Variants in MARCHF1 observed in about 807,000 individuals in gnomAD.
MARCHF1 encodes membrane associated ring-CH-type finger 1.
MARCHF1 carries 40 observed loss-of-function variants against 54.2 expected under a neutral mutation model. The observed-to-expected ratio is 0.74, with a 90% CI of 0.57 to 0.96. The LOEUF (loss-of-function observed/expected upper bound fraction) is 0.96, where lower values mean the gene tolerates loss of function less well. Ranked by LOEUF, MARCHF1 falls within the 40% of genes least tolerant of loss-of-function variation. The pLI is 0.00. For missense variants in MARCHF1, 586 were observed against 656.5 expected, an observed-to-expected ratio of 0.89 and a Z score of 1.17; for synonymous variants, 236 against 236.3, an observed-to-expected ratio of 1.00 and a Z score of 0.01.
chr4:164,103,909 G>A lies in MARCHF1; in HGVS notation c.-248+7679C>T, dbSNP rs535497400. On this transcript the variant is annotated intron_variant, in intron 2 of 9. Transcript: ENST00000514618. ...AAAAAAGAGAGAAGAATCAATAGAC[G>A]CAATAAAAAATGATAAAGGGGATAT... Among the ~76,000 whole-genome samples the A allele has an allele frequency of 1.5e-3, 215 of 147,544 alleles. 7 individuals carry two copies. The highest frequency in any genetic ancestry group is 5.2e-3 in the African/African-American group (198 of 37,778).
At chr4:163,737,183 CACATATTAGTTTATTTATTTA>C (rs1746064589) in intron 4 of MARCHF1, among the ~76,000 whole-genome samples, 1 of 54,238 alleles carries the variant, frequency 1.8e-5, no homozygotes, top group African/African-American at 4.6e-5. Flanking sequence ...TTTTTTTTTT[CACATATTAGTTTATTTATTTA>C]TTTTTTTTAA....
chr4:164,037,800 T>C (rs1429150443), intron 2 of MARCHF1, among the ~76,000 whole-genome samples: 1 of 152,208 alleles, frequency 6.6e-6, no homozygotes, highest in Non-Finnish European at 1.5e-5. Context: ...CTTGATATGA[T>C]GTGATGACAA....
intron 5 of MARCHF1, among the ~76,000 whole-genome samples, chr4:163,683,271 G>A (rs1341771912): frequency 6.6e-6 from 1 of 152,178 alleles, no homozygotes; most frequent in Non-Finnish European, 1.5e-5. Context: ...CATCTCACAT[G>A]GTGGTCGACA....
At chr4:163,923,217 C>G (rs1751469412) in intron 3 of MARCHF1, among the ~76,000 whole-genome samples, 1 of 152,108 alleles carries the variant, frequency 6.6e-6, no homozygotes, top group Non-Finnish European at 1.5e-5. Flanking sequence ...TCTGAAATGA[C>G]AAATACTTTC....
At chr4:164,368,270 A>G (rs1303856929) in intron 1 of MARCHF1, among the ~76,000 whole-genome samples, 3 of 151,420 alleles carry the variant, frequency 2.0e-5, no homozygotes, top group Non-Finnish European at 4.4e-5. Flanking sequence ...TTAAAATCAT[A>G]AAGATATATT....
chr4:163,700,163 T>C (rs1355943335), intron 5 of MARCHF1, among the ~76,000 whole-genome samples: 2 of 152,048 alleles, frequency 1.3e-5, no homozygotes, highest in Non-Finnish European at 2.9e-5. Flanking sequence ...ATGTGGCAGA[T>C]CTATGGTGTT....
chr4:163,983,003 C>T (rs2110872664), intron 3 of MARCHF1, among the ~76,000 whole-genome samples: 2 of 152,312 alleles, frequency 1.3e-5, no homozygotes, highest in Middle Eastern at 6.8e-3. Flanking sequence ...CATCCCAAAT[C>T]ACATGACTGA....
intron 4 of MARCHF1, among the ~76,000 whole-genome samples, chr4:163,722,394 G>A (rs188647761): frequency 0.064 from 9,682 of 152,020 alleles, 581 homozygotes; most frequent in African/African-American, 0.16. Context: ...GGTCTGAGAG[G>A]CAGTTTGTTA....
At chr4:164,224,821 C>T (rs1732206599) in intron 1 of MARCHF1, among the ~76,000 whole-genome samples, 1 of 151,906 alleles carries the variant, frequency 6.6e-6, no homozygotes, top group Non-Finnish European at 1.5e-5. Context: ...ATACTATTTT[C>T]TCAAATATGT....
intron 1 of MARCHF1, among the ~76,000 whole-genome samples, chr4:164,163,791 T>A (rs575944057): frequency 6.6e-6 from 1 of 152,070 alleles, no homozygotes; most frequent in South Asian, 2.1e-4. Flanking sequence ...ACTATACATT[T>A]CTTTCAAGGG....
At chr4:164,212,456 C>A (rs1437575154) in intron 1 of MARCHF1, among the ~76,000 whole-genome samples, 1 of 152,050 alleles carries the variant, frequency 6.6e-6, no homozygotes, top group Non-Finnish European at 1.5e-5. Flanking sequence ...TGATATCTTT[C>A]TATGGATGTT....
intron 4 of MARCHF1, among the ~76,000 whole-genome samples, chr4:163,733,202 T>C (rs779194306): frequency 0.1 from 2,795 of 26,704 alleles, 484 homozygotes; most frequent in East Asian, 0.23. Context: ...TATATATATA[T>C]ATATATATAT....
intron 1 of MARCHF1, among the ~76,000 whole-genome samples, chr4:164,211,312 CAT>C (rs1450515358): frequency 2.3e-5 from 3 of 130,616 alleles, no homozygotes; most frequent in Non-Finnish European, 4.7e-5. Context: ...TTGCAACCTG[CAT>C]ATGTGTATGT....
chr4:164,042,677 C>T (rs1208313589), intron 2 of MARCHF1, among the ~76,000 whole-genome samples: 1 of 152,144 alleles, frequency 6.6e-6, no homozygotes, highest in Non-Finnish European at 1.5e-5. Context: ...CAGCAGTCCC[C>T]CAGTCTTAAT....
At chr4:163,688,137 A>C (rs549623110) in intron 5 of MARCHF1, among the ~76,000 whole-genome samples, 1 of 152,310 alleles carries the variant, frequency 6.6e-6, no homozygotes, top group African/African-American at 2.4e-5. Flanking sequence ...AACCACACGA[A>C]AAACAAATAT....
chr4:164,105,436 A>G (rs1029693109), intron 2 of MARCHF1, among the ~76,000 whole-genome samples: 2 of 150,140 alleles, frequency 1.3e-5, no homozygotes, highest in East Asian at 2.0e-4. Flanking sequence ...AATGGAACAG[A>G]ACAGAGCCCT....
chr4:164,359,883 T>A (rs9991930), intron 1 of MARCHF1, among the ~76,000 whole-genome samples: 33,051 of 152,074 alleles, frequency 0.22, 3,864 homozygotes, highest in East Asian at 0.33. Context: ...CCCAGAAATC[T>A]GGTTTTTAGC....
chr4:163,771,983 T>A (rs56792778), intron 4 of MARCHF1, among the ~76,000 whole-genome samples: 1 of 152,296 alleles, frequency 6.6e-6, no homozygotes, highest in East Asian at 1.9e-4. Context: ...GAAATTCTAG[T>A]TGAATTTCAT....
intron 4 of MARCHF1, among the ~76,000 whole-genome samples, chr4:163,743,315 T>G (rs1430812960): frequency 6.6e-6 from 1 of 152,202 alleles, no homozygotes; most frequent in Non-Finnish European, 1.5e-5. Context: ...TCTCATATAC[T>G]CATTACAGAT....
Sources: allele counts gnomAD v4.1 joint callset (sites outside exome capture counted in the v4.1 genomes callset), GRCh38; gene constraint gnomAD v4.1.1; transcripts MANE v1.5; gene names NCBI Gene and HGNC (gene_info 2026-07-23, HGNC 2026-07-21).